Variants in ZBP1 observed in about 807,000 individuals in gnomAD.
ZBP1 encodes Z-DNA binding protein 1.
A neutral mutation model predicts 41.1 loss-of-function variants in ZBP1; 42 were observed. The ratio of observed to expected loss-of-function variants is 1.02; its 90% CI spans 0.80 to 1.32. ZBP1 has a LOEUF of 1.32. Ranked by LOEUF, ZBP1 falls within the 40% of genes most tolerant of loss-of-function variation. The pLI, the probability that ZBP1 is intolerant of heterozygous loss-of-function variation, is 0.00. For missense variants in ZBP1, 562 were observed against 549.7 expected, an observed-to-expected ratio of 1.02 and a Z score of -0.22; for synonymous variants, 214 against 205.2, an observed-to-expected ratio of 1.04 and a Z score of -0.37.
At chr20:57,606,903 A>G (rs1342522721) in intron 7 of ZBP1, 2 of 925,246 alleles carry the variant, frequency 2.2e-6, no homozygotes. Flanking sequence ...ATTGAGGGCC[A>G]AAAAAAAATT....
chr20:57,609,547 C>G (rs1268466363), intron 7 of ZBP1, among the ~76,000 whole-genome samples: 1 of 151,796 alleles, frequency 6.6e-6, no homozygotes, highest in African/African-American at 2.4e-5. Flanking sequence ...CCTCTGCTTG[C>G]TGGTGCTAAG....
intron 7 of ZBP1, among the ~76,000 whole-genome samples, chr20:57,608,263 A>T (rs1253188828): frequency 6.6e-6 from 1 of 152,082 alleles, no homozygotes; most frequent in Non-Finnish European, 1.5e-5. Flanking sequence ...CTGGGACTAC[A>T]TGTGCCCGCC....
At chr20:57,604,845 G>A (rs988914063) in intron 7 of ZBP1, 76 bp from the exon 8 acceptor site, 1 of 1,399,346 alleles carries the variant, frequency 7.1e-7, no homozygotes, top group Non-Finnish European at 9.8e-7. Flanking sequence ...GCTCTTGGAA[G>A]GATTTCGAGC....
chr20:57,616,549 A>G, intron 1 of ZBP1, 81 bp from the exon 2 acceptor site: 1 of 1,467,836 alleles, frequency 6.8e-7, no homozygotes, highest in South Asian at 1.2e-5. Flanking sequence ...AGGCTCCAGG[A>G]GGCACGTAGG....
rs1439761145 is a variant in ZBP1, at chr20:57,604,143, G to C, written c.*430C>G. 1 of 316,774 alleles carries C rather than the reference G, an allele frequency of 3.2e-6. No homozygotes were observed. The highest frequency in any genetic ancestry group is 6.2e-6 in the Non-Finnish European group (1 of 161,266). The allele number at this position is 316,774 out of a possible 1,614,324, so 19.6% of individuals were successfully genotyped here. On this transcript the variant is annotated 3_prime_UTR_variant, in exon 8 of 8. Coordinates refer to ENST00000371173, the MANE Select transcript of ZBP1 (RefSeq NM_030776.3). ...CCGCCTCGGCCTCCCAAAGTGCTGG[G>C]ATTACAGGCGTGAGCCACTGCACCC...
intron 4 of ZBP1, 97 bp downstream of exon 4, chr20:57,614,790 G>T: frequency 6.7e-7 from 1 of 1,498,698 alleles, no homozygotes; most frequent in Non-Finnish European, 9.0e-7. Flanking sequence ...GCTTCTAGCA[G>T]TTTCCGGTGA....
chr20:57,613,199 T>A lies in ZBP1; in HGVS notation c.634A>T (p.Asn212Tyr). The A allele has an allele frequency of 6.2e-7, 1 of 1,614,230 alleles. No individual in the cohort carries two copies. The highest frequency in any genetic ancestry group is 8.5e-7 in the Non-Finnish European group (1 of 1,180,040). The change falls in exon 5 of 8, where the codon AAC becomes TAC. Residue 212 changes from asparagine (N) to tyrosine (Y), a missense_variant. Transcript: ENST00000371173. This position sits in a 1 kb window ranked among gnomAD's most constrained non-coding sequence, Gnocchi z 4.5. ...NSEAIQIGHG[N>Y]IITRQTVSRE... ...GAGACTGTCTGTCTTGTAATGATGT[T>A]CCCGTGTCCAATCTGGATGGCTTCG...
intron 3 of ZBP1, 102 bp from the exon 4 acceptor site, chr20:57,615,162 T>A: frequency 1.5e-6 from 2 of 1,294,620 alleles, no homozygotes; most frequent in Non-Finnish European, 2.2e-6. Context: ...CCTCAAGGCC[T>A]GGTTTCCTCA....
rs1165610958 is a variant in ZBP1, at chr20:57,613,978, A to G, written c.503-648T>C. On this transcript the variant is annotated intron_variant, in intron 4 of 7. Coordinates refer to ENST00000371173, the MANE Select transcript of ZBP1 (RefSeq NM_030776.3). This position sits in a 1 kb window ranked among gnomAD's most constrained non-coding sequence, Gnocchi z 4.5. ...TTTGTGGGCCCTTCCCCCATACACA[A>G]ATATTTAAATTACATTGTATAGCAA... Among the ~76,000 whole-genome samples, 1 of 152,166 alleles carries G rather than the reference A, an allele frequency of 6.6e-6. No individual in the cohort carries two copies.
intron 1 of ZBP1, among the ~76,000 whole-genome samples, chr20:57,619,315 T>C (rs2070935534): frequency 6.6e-6 from 1 of 152,206 alleles, no homozygotes; most frequent in Non-Finnish European, 1.5e-5. Context: ...ACTAGCTGTG[T>C]GACCTCCCCT....
At chr20:57,616,173 C>CT (rs2070818910) in intron 2 of ZBP1, 71 bp downstream of exon 2, 2 of 1,452,778 alleles carry the variant, frequency 1.4e-6, no homozygotes, top group Non-Finnish European at 1.9e-6. Context: ...AACCCAGGCT[C>CT]AAATCTGTGC....
Position 57,604,253 on chromosome 20 carries a change from G to C in ZBP1, c.*320C>G. The C allele has an allele frequency of 2.1e-6, 1 of 471,578 alleles. No homozygotes were observed. The highest frequency in any genetic ancestry group is 4.0e-6 in the Non-Finnish European group (1 of 249,246). 29.2% of individuals were successfully genotyped at this position (471,578 alleles called of 1,614,324 possible). On this transcript the variant is annotated 3_prime_UTR_variant, in exon 8 of 8. Coordinates refer to ENST00000371173, the MANE Select transcript of ZBP1 (RefSeq NM_030776.3). ...GTAGCCATGATGGAAGGTAACTCCA[G>C]GCAGATGCCCCGAGCCCAGGAAAGA...
intron 7 of ZBP1, among the ~76,000 whole-genome samples, chr20:57,609,723 A>T (rs1026145934): frequency 1.3e-5 from 2 of 152,070 alleles, no homozygotes; most frequent in Non-Finnish European, 2.9e-5. Context: ...CCTGATGCAG[A>T]ACCTTATTTG....
chr20:57,611,805 G>A lies in ZBP1; in HGVS notation c.796C>T (p.Leu266=). The A allele has an allele frequency of 6.2e-7, 1 of 1,612,354 alleles. No homozygotes were observed. Among genetic ancestry groups the A allele is most frequent in the Non-Finnish European group, 8.5e-7 (1 of 1,179,428 alleles). ...MEQSILRRVQ[L]GHSNEMRLHG... is the part of the protein sequence containing the mutation. ...AGCCTCATCTCATTGCTGTGTCCCAGCTGCACCCGTCTCAGTATGGACTGC... is the reference window on the plus strand; with the variant it reads ...AGCCTCATCTCATTGCTGTGTCCCAACTGCACCCGTCTCAGTATGGACTGC... Residue 266 remains leucine, a synonymous_variant, in exon 6 of 8, where the codon CTG becomes TTG. Coordinates refer to ENST00000371173, the MANE Select transcript of ZBP1 (RefSeq NM_030776.3).
rs778494907 is a variant in ZBP1 at position 57,610,376 on chromosome 20, C to T, written c.875-9G>A. ...GGCAGCAGTGGCAGAGACTGTGGGT[C>T]AAAGGGAGAGAGGCCTGGAGCCAGG... On this transcript the variant is annotated splice_polypyrimidine_tract_variant and intron_variant, in intron 6 of 7. Coordinates refer to ENST00000371173, the MANE Select transcript of ZBP1 (RefSeq NM_030776.3). This position sits in a 1 kb window ranked among gnomAD's most constrained non-coding sequence, Gnocchi z 5.5. 1 of 1,613,848 alleles carries T rather than the reference C, an allele frequency of 6.2e-7. No individual in the cohort carries two copies. Among genetic ancestry groups the T allele is most frequent in the East Asian group, 2.2e-5 (1 of 44,884 alleles).
Position 57,610,020 on chromosome 20 carries a change from G to A in ZBP1, c.1093+129C>T. On this transcript the variant is annotated intron_variant, in intron 7 of 7. Coordinates refer to ENST00000371173, the MANE Select transcript of ZBP1 (RefSeq NM_030776.3). This position sits in a 1 kb window ranked among gnomAD's most constrained non-coding sequence, Gnocchi z 5.5. ...TCTAGAGCTGCTGCTCCTCGCTGTG[G>A]GTGGGCACAGCCTCCAGACTCCGGG... 2 of 1,044,960 alleles carry A rather than the reference G, an allele frequency of 1.9e-6. No homozygotes were observed. The highest frequency in any genetic ancestry group is 2.8e-6 in the Non-Finnish European group (2 of 705,370). The allele number at this position is 1,044,960 out of a possible 1,614,324, so 64.7% of individuals were successfully genotyped here. A position where few individuals can be genotyped will look rare whatever the true frequency, so the allele number is the denominator to read the frequency against.
rs139643323 is a variant in ZBP1 at position 57,611,916 on chromosome 20, G to A, written c.685C>T (p.Arg229Cys). ...VSREDGSAGPRHLPSMAPGDS... is the reference protein window; with the variant it reads ...VSREDGSAGPCHLPSMAPGDS... ...CCTGGTGCCATTGAAGGGAGGTGGC[G>A]TGGACCGGCGGAACCTGGCAGGGGA... is the stretch of plus-strand genomic sequence containing the variant. The change falls in exon 6 of 8, where the codon CGC (arginine) becomes TGC (cysteine). Residue 229 changes from arginine to cysteine, a missense_variant. Coordinates refer to ENST00000371173, the MANE Select transcript of ZBP1 (RefSeq NM_030776.3). The A allele has an allele frequency of 8.5e-5, 132 of 1,558,736 alleles. No homozygotes were observed. The highest frequency in any genetic ancestry group is 1.5e-4 in the South Asian group (13 of 84,604).
rs2070778491 is a variant in ZBP1 at position 57,614,974 on chromosome 20, C to A, written c.415G>T (p.Asp139Tyr). 1 of 1,614,244 alleles carries A rather than the reference C, an allele frequency of 6.2e-7. No homozygotes were observed. The highest frequency in any genetic ancestry group is 1.1e-5 in the South Asian group (1 of 91,086). Residue 139 changes from aspartate (D) to tyrosine (Y), a missense_variant, in exon 4 of 8, where the codon GAT (aspartate) becomes TAT (tyrosine). Physicochemically the swap from Asp to Tyr is radical, Grantham distance 160. Transcript: ENST00000371173. Reference protein sequence around the residue: ...AQALGMRTAKDVNRDLYRMKS... With the variant: ...AQALGMRTAKYVNRDLYRMKS... The stretch of plus-strand genomic sequence containing the variant: ...ATCCTGTACAAGTCTCGGTTCACAT[C>A]TTTTGCTGTCCTCATTCCCAGTGCT...
Position 57,610,180 on chromosome 20 carries a change from C to T in ZBP1, c.1062G>A (p.Gly354=). Residue 354 remains glycine (G), a synonymous_variant, in exon 7 of 8, where the codon GGG becomes GGA. Transcript: ENST00000371173. This position sits in a 1 kb window ranked among gnomAD's most constrained non-coding sequence, Gnocchi z 5.5. ...CCTCCCCTGGCTCCCCCTCTCCAGA[C>T]CCTGCGACTCCTCCTGGGCCAGCCA... ...PGVAGPGGVA[G]SGEGEPGEDA... is the part of the protein sequence containing the mutation. 1.9e-6 allele frequency: 3 copies of T among 1,614,130 alleles called. No individual in the cohort carries two copies. The highest frequency in any genetic ancestry group is 2.5e-6 in the Non-Finnish European group (3 of 1,180,022).
Sources: allele counts gnomAD v4.1 joint callset (sites outside exome capture counted in the v4.1 genomes callset), GRCh38; gene constraint gnomAD v4.1.1; non-coding constraint Gnocchi (gnomAD v3.1); transcripts MANE v1.5; gene names NCBI Gene and HGNC (gene_info 2026-07-23, HGNC 2026-07-21).